The following PPL variants were observed in gnomAD, a reference collection of about 807,000 sequenced individuals.
PPL encodes periplakin.
Under a neutral mutation model 194.4 loss-of-function variants are expected in PPL, and 198 were observed. That is an observed-to-expected ratio of 1.02 (90% CI 0.91 to 1.15). The LOEUF (loss-of-function observed/expected upper bound fraction) is 1.15, where lower values mean the gene tolerates loss of function less well. PPL is among the 50% of genes most tolerant of loss of function. The pLI, the probability that PPL is intolerant of heterozygous loss-of-function variation, is 0.00. For synonymous variants in PPL, 1,220 were observed against 972.4 expected, an observed-to-expected ratio of 1.25 and a Z score of -4.74; for missense variants, 2,885 against 2,294.8, an observed-to-expected ratio of 1.26 and a Z score of -5.25.
At chr16:4,901,131 G>A (rs2088560388) in intron 4 of PPL, 42 bp from the exon 5 acceptor site, 1 of 1,605,444 alleles carries the variant, frequency 6.2e-7, no homozygotes, top group Non-Finnish European at 8.5e-7. Flanking sequence ...AGGGTGGGCT[G>A]AGGGCTGGGG....
rs1044575807 is a variant in PPL, at chr16:4,885,469, A to G, written c.3186T>C (p.Asn1062=). 1 of 1,611,682 alleles carries G rather than the reference A, an allele frequency of 6.2e-7. No individual in the cohort carries two copies. Among genetic ancestry groups the G allele is most frequent in the East Asian group, 2.2e-5 (1 of 44,792 alleles). ...VTEKEVVKLQ[N]DPQLEAEYQQ... ...GGTACTCTGCCTCCAGCTGGGGGTC[A>G]TTCTGCAGTTTCACCACCTCTTTCT... Residue 1062 remains asparagine, a synonymous_variant, in exon 22 of 22, where the codon AAT becomes AAC. Coordinates refer to ENST00000345988, the MANE Select transcript of PPL (RefSeq NM_002705.5). The surrounding 1 kb of genome is among the most constrained non-coding windows in gnomAD (Gnocchi z 6.3).
chr16:4,884,693 T>C lies in PPL; in HGVS notation c.3962A>G (p.Lys1321Arg), dbSNP rs1310972529. Residue 1321 changes from lysine (K) to arginine (R), a missense_variant, in exon 22 of 22, where the codon AAA becomes AGA. Physicochemically the swap from Lys to Arg is conservative, Grantham distance 26. Coordinates refer to ENST00000345988, the MANE Select transcript of PPL (RefSeq NM_002705.5). The surrounding 1 kb of genome is among the most constrained non-coding windows in gnomAD (Gnocchi z 5.7). ...LRAKLSEEQKKQVDLERERAS... is the reference protein window; with the variant it reads ...LRAKLSEEQKRQVDLERERAS... ...TCTTTCCCTCTCCAGATCCACTTGT[T>C]TCTTCTGCTCCTCTGAGAGCTTTGC... 2 of 1,614,054 alleles carry C rather than the reference T, an allele frequency of 1.2e-6. No individual in the cohort carries two copies. The highest frequency in any genetic ancestry group is 2.7e-5 in the African/African-American group (2 of 74,950).
intron 1 of PPL, among the ~76,000 whole-genome samples, chr16:4,928,416 C>G (rs946290730): frequency 1.3e-5 from 2 of 152,216 alleles, no homozygotes; most frequent in African/African-American, 4.8e-5. Context: ...GGCAGGGTGT[C>G]CTGGCCGCCC....
In PPL at chr16:4,885,882, T is replaced by A; in HGVS notation, c.2773A>T (p.Asn925Tyr). The change falls in exon 22 of 22, where the codon AAT becomes TAT. Residue 925 changes from asparagine to tyrosine, a missense_variant. By Grantham distance (143) the Asn-to-Tyr change is moderately radical (BLOSUM62 -2). Coordinates refer to ENST00000345988, the MANE Select transcript of PPL (RefSeq NM_002705.5). This position sits in a 1 kb window ranked among gnomAD's most constrained non-coding sequence, Gnocchi z 6.3. Reference sequence around the variant, plus strand: ...ACCACCGATTCCTGAGGCCCCTGATTCCTCAAGGTCCAGATTTCTTCCTGG... The same window carrying A: ...ACCACCGATTCCTGAGGCCCCTGATACCTCAAGGTCCAGATTTCTTCCTGG... ...STQEEIWTLR[N>Y]QGPQESVVRK... The A allele has an allele frequency of 6.2e-7, 1 of 1,609,726 alleles. No homozygotes were observed. The highest frequency in any genetic ancestry group is 8.5e-7 in the Non-Finnish European group (1 of 1,180,006).
chr16:4,894,191 G>A (rs936688567), intron 12 of PPL, among the ~76,000 whole-genome samples: 2 of 152,230 alleles, frequency 1.3e-5, no homozygotes, highest in Non-Finnish European at 2.9e-5. Context: ...CAAGTACAGG[G>A]AGCAGTGCGT....
intron 2 of PPL, 147 bp downstream of exon 2, chr16:4,910,703 A>C: frequency 1.4e-6 from 1 of 707,968 alleles, no homozygotes; most frequent in Non-Finnish European, 2.5e-6. Context: ...CCTTCCTTCC[A>C]AGCAGTGACA....
chr16:4,896,953 T>C (rs938776292), intron 9 of PPL, among the ~76,000 whole-genome samples: 1 of 151,776 alleles, frequency 6.6e-6, no homozygotes, highest in Admixed American at 6.6e-5. Flanking sequence ...GGGTTTCTGT[T>C]TGGGGTGATG....
At chr16:4,908,471 G>C (rs1254413156) in intron 2 of PPL, among the ~76,000 whole-genome samples, 1 of 149,400 alleles carries the variant, frequency 6.7e-6, no homozygotes, top group Admixed American at 6.7e-5. Flanking sequence ...AGGTCAAACA[G>C]ATATACACCA....
At chr16:4,911,521 G>GTTCA (rs148372670) in intron 1 of PPL, among the ~76,000 whole-genome samples, 186 of 151,810 alleles carry the variant, frequency 1.2e-3, no homozygotes, top group African/African-American at 2.8e-3. Context: ...TCATTCATTC[G>GTTCA]TTCATTCATT....
At position 4,902,622 on chromosome 16, in the gene PPL, A is replaced by G; in HGVS notation, c.318-96T>C. On this transcript the variant is annotated intron_variant, in intron 3 of 21. Coordinates refer to ENST00000345988, the MANE Select transcript of PPL (RefSeq NM_002705.5). This position sits in a 1 kb window ranked among gnomAD's most constrained non-coding sequence, Gnocchi z 4.0. ...CCAGACCCCGGCCTCAGTGTCCTGG[A>G]AGGACACAGTGACCATATGGCCTTG... 7.1e-7 allele frequency: 1 copy of G among 1,408,076 alleles called. No individual in the cohort carries two copies. Among genetic ancestry groups the G allele is most frequent in the Non-Finnish European group, 9.7e-7 (1 of 1,031,172 alleles). The allele number at this position is 1,408,076 out of a possible 1,614,324, so 87.2% of individuals were successfully genotyped here.
Position 4,900,918 on chromosome 16 carries a change from G to A in PPL, c.564+46C>T, listed in dbSNP as rs573298428. The A allele has an allele frequency of 4.6e-5, 75 of 1,614,000 alleles. No individual in the cohort carries two copies. The South Asian group carries it at 5.8e-4, about 13-fold the overall frequency. ...TGGGTCAGGGCCAGGAAGCAGGCGCGGCCCCCTCCATCCCTGGGTCCCCAC... is the reference window on the plus strand; with the variant it reads ...TGGGTCAGGGCCAGGAAGCAGGCGCAGCCCCCTCCATCCCTGGGTCCCCAC... On this transcript the variant is annotated intron_variant, in intron 5 of 21. Coordinates refer to ENST00000345988, the MANE Select transcript of PPL (RefSeq NM_002705.5).
At chr16:4,911,157 T>TG (rs2088813679) in intron 1 of PPL, among the ~76,000 whole-genome samples, 1 of 6,224 alleles carries the variant, frequency 1.6e-4, no homozygotes, top group Non-Finnish European at 8.0e-4. Flanking sequence ...GTCAGCCTCC[T>TG]TTTTTTTTTT....
intron 1 of PPL, among the ~76,000 whole-genome samples, chr16:4,922,056 T>G (rs2089060939): frequency 6.6e-6 from 1 of 152,086 alleles, no homozygotes; most frequent in Non-Finnish European, 1.5e-5. Flanking sequence ...CTGCTTTAAT[T>G]TTGTGCGGGT....
chr16:4,901,996 G>T (rs1196751593), intron 4 of PPL, among the ~76,000 whole-genome samples: 1 of 151,868 alleles, frequency 6.6e-6, no homozygotes, highest in Non-Finnish European at 1.5e-5. Flanking sequence ...GGAAGCTAAG[G>T]CTTGAACCCG....
chr16:4,914,467 G>T (rs1372986607), intron 1 of PPL, among the ~76,000 whole-genome samples: 2 of 152,212 alleles, frequency 1.3e-5, no homozygotes, highest in African/African-American at 2.4e-5. Context: ...ACATGCTGGG[G>T]ATCCATCCGT....
At chr16:4,898,501 T>A (rs927345459) in intron 8 of PPL, among the ~76,000 whole-genome samples, 3 of 152,156 alleles carry the variant, frequency 2.0e-5, no homozygotes, top group African/African-American at 7.2e-5. Context: ...CACTGACTGA[T>A]ATCCTTATAA....
chr16:4,899,282 T>C lies in PPL; in HGVS notation c.709A>G (p.Met237Val). Residue 237 changes from methionine to valine, a missense_variant, in exon 7 of 22, where the codon ATG becomes GTG. Coordinates refer to ENST00000345988, the MANE Select transcript of PPL (RefSeq NM_002705.5). ...YWLDQQAKGR[M>V]QYDWSDRNLD... is the part of the protein sequence containing the mutation. The stretch of plus-strand genomic sequence containing the variant: ...TTGCGGTCACTCCAGTCGTACTGCA[T>C]GCGGCCCTTGGCCTGCTGGTCCAGC... 6.2e-7 allele frequency: 1 copy of C among 1,613,844 alleles called. No individual in the cohort carries two copies. The highest frequency in any genetic ancestry group is 8.5e-7 in the Non-Finnish European group (1 of 1,179,968).
Position 4,899,283 on chromosome 16 carries a change from G to A in PPL, c.708C>T (p.Arg236=), listed in dbSNP as rs377320870. 4 of 1,613,684 alleles carry A rather than the reference G, an allele frequency of 2.5e-6. No individual in the cohort carries two copies. The African/African-American group carries it at 4.0e-5, about 16-fold the overall frequency. ...TGCGGTCACTCCAGTCGTACTGCATGCGGCCCTTGGCCTGCTGGTCCAGCC... is the reference window on the plus strand; with the variant it reads ...TGCGGTCACTCCAGTCGTACTGCATACGGCCCTTGGCCTGCTGGTCCAGCC... The part of the protein sequence containing the change: ...LYWLDQQAKG[R]MQYDWSDRNL... The change falls in exon 7 of 22, where the codon CGC becomes CGT. Residue 236 remains arginine, a synonymous_variant. Transcript: ENST00000345988.
In PPL at chr16:4,885,362, A is replaced by G. The variant is rs747746782; in HGVS notation, c.3293T>C (p.Leu1098Pro). 1 of 1,611,876 alleles carries G rather than the reference A, an allele frequency of 6.2e-7. No homozygotes were observed. The highest frequency in any genetic ancestry group is 8.5e-7 in the Non-Finnish European group (1 of 1,179,684). Residue 1098 changes from leucine to proline, a missense_variant, in exon 22 of 22, where the codon CTC (leucine) becomes CCC (proline). Transcript: ENST00000345988. This position sits in a 1 kb window ranked among gnomAD's most constrained non-coding sequence, Gnocchi z 6.3. ...EEELSFLQDK[L>P]KRLEKERAMA... Reference sequence around the variant, plus strand: ...GGCCCGCTCCTTCTCTAGCCTCTTGAGCTTGTCCTGGAGGAAGCTCAGCTC... The same window carrying G: ...GGCCCGCTCCTTCTCTAGCCTCTTGGGCTTGTCCTGGAGGAAGCTCAGCTC...
Sources: allele counts gnomAD v4.1 joint callset (sites outside exome capture counted in the v4.1 genomes callset), GRCh38; gene constraint gnomAD v4.1.1; non-coding constraint Gnocchi (gnomAD v3.1); transcripts MANE v1.5; gene names NCBI Gene and HGNC (gene_info 2026-07-23, HGNC 2026-07-21).